The following POGLUT3 variants were observed in gnomAD, a reference collection of about 807,000 sequenced individuals.
The protein encoded by POGLUT3 is protein O-glucosyltransferase 3.
POGLUT3 carries 48 observed loss-of-function variants against 54.3 expected under a neutral mutation model. The observed-to-expected ratio is 0.88, with a 90% CI of 0.70 to 1.12. POGLUT3 has a LOEUF of 1.12. Among genes scored for constraint, POGLUT3 ranks in the 50% most tolerant of loss-of-function variants. POGLUT3 has a pLI of 0.00. For synonymous variants in POGLUT3, 218 were observed against 237.4 expected, an observed-to-expected ratio of 0.92 and a Z score of 0.75; for missense variants, 629 against 618.7, an observed-to-expected ratio of 1.02 and a Z score of -0.18.
Position 108,486,709 on chromosome 11 carries a change from A to G in POGLUT3, c.401-269T>C, listed in dbSNP as rs1291212231. 15 of 398,868 alleles carry G rather than the reference A, an allele frequency of 3.8e-5. No homozygotes were observed. The East Asian group carries it at 5.7e-4, about 15-fold the overall frequency. The allele number at this position is 398,868 out of a possible 1,614,324, so 24.7% of individuals were successfully genotyped here. Reference sequence around the variant, plus strand: ...CATAAATTCATCTCTAATAAGGTATAAATGGCTGGCAAACATGAAACAACT... The same window carrying G: ...CATAAATTCATCTCTAATAAGGTATGAATGGCTGGCAAACATGAAACAACT... On this transcript the variant is annotated intron_variant, in intron 2 of 7. Transcript: ENST00000323468.
At chr11:108,485,462 A>G (rs1315782643) in intron 3 of POGLUT3, among the ~76,000 whole-genome samples, 5 of 152,060 alleles carry the variant, frequency 3.3e-5, no homozygotes, top group Non-Finnish European at 7.4e-5. Flanking sequence ...CCCCATCCCT[A>G]TTTAAAAATA....
intron 1 of POGLUT3, 128 bp from the exon 2 acceptor site, chr11:108,491,295 A>T: frequency 2.8e-6 from 2 of 706,840 alleles, no homozygotes; most frequent in Non-Finnish European, 4.7e-6. Context: ...AAAAAAAATC[A>T]TTTCCTTTGG....
In POGLUT3 at chr11:108,477,496, TCC is replaced by T; in HGVS notation, c.1398+109_1398+110del. Reference sequence around the variant, plus strand: ...GCAAGTGCCTTGGCTTAGCCAGTGGTCCATAGGCTTGACTGTGAGTCCTTCAG... The same window carrying T: ...GCAAGTGCCTTGGCTTAGCCAGTGGTATAGGCTTGACTGTGAGTCCTTCAG... On this transcript the variant is annotated intron_variant, in intron 7 of 7. Coordinates refer to ENST00000323468, the MANE Select transcript of POGLUT3 (RefSeq NM_153705.5). 4 of 678,352 alleles carry T rather than the reference TCC, an allele frequency of 5.9e-6. No homozygotes were observed. In the South Asian group the frequency reaches 7.4e-5, roughly 13 times the overall value. The allele number at this position is 678,352 out of a possible 1,614,324, so 42.0% of individuals were successfully genotyped here.
rs1213297130 is a variant in POGLUT3 at position 108,472,198 on chromosome 11, A to G, written c.*2629T>C. ...TATAAAGTTCTAAACATAGATTTAA[A>G]AAGAGCAAAATGGAAAAAATATAAA... On this transcript the variant is annotated 3_prime_UTR_variant, in exon 8 of 8. Transcript: ENST00000323468. 1 of 152,188 alleles carries G rather than the reference A, an allele frequency of 6.6e-6. No homozygotes were observed. The highest frequency in any genetic ancestry group is 2.4e-5 in the African/African-American group (1 of 41,462). 9.4% of individuals were successfully genotyped at this position (152,188 alleles called of 1,614,324 possible).
intron 6 of POGLUT3, among the ~76,000 whole-genome samples, chr11:108,478,560 G>A (rs1054488403): frequency 1.3e-5 from 2 of 152,210 alleles, no homozygotes; most frequent in African/African-American, 2.4e-5. Context: ...GAAAAATTCA[G>A]TCATTAGTAC....
intron 1 of POGLUT3, among the ~76,000 whole-genome samples, chr11:108,492,023 G>T (rs1046191896): frequency 6.6e-6 from 1 of 151,804 alleles, no homozygotes; most frequent in Non-Finnish European, 1.5e-5. Flanking sequence ...TACTTCTAAG[G>T]CCATTTCCTT....
chr11:108,497,593 G>A (rs1182280884), intron 1 of POGLUT3, among the ~76,000 whole-genome samples: 5 of 152,244 alleles, frequency 3.3e-5, no homozygotes, highest in Non-Finnish European at 2.9e-5. Flanking sequence ...CCTCCGTGGA[G>A]GGAAAACCGA....
chr11:108,478,457 C>A (rs2093586376), intron 6 of POGLUT3, among the ~76,000 whole-genome samples: 1 of 152,314 alleles, frequency 6.6e-6, no homozygotes, highest in South Asian at 2.1e-4. Context: ...CACGTTACAA[C>A]ATCTTTTAAA....
At chr11:108,496,493 A>G (rs745323766) in intron 1 of POGLUT3, among the ~76,000 whole-genome samples, 2 of 152,216 alleles carry the variant, frequency 1.3e-5, no homozygotes, top group Non-Finnish European at 2.9e-5. Flanking sequence ...GTGAGAGATG[A>G]TATCACCTAC....
At chr11:108,498,037 G>A in intron 1 of POGLUT3, 128 bp downstream of exon 1, 1 of 767,148 alleles carries the variant, frequency 1.3e-6, no homozygotes, top group Non-Finnish European at 1.9e-6. Flanking sequence ...AAGAGGAGCT[G>A]ACCAGACCCA....
rs560685262 is a variant in POGLUT3, at chr11:108,479,446, G to A, written c.1148C>T (p.Pro383Leu). ...CAGACTGTCGCCCAGCATGAGATAT[G>A]GATATCTGTAAGCAGCCACGGTCCC... is the stretch of plus-strand genomic sequence containing the variant. ...VDGTVAAYRY[P>L]YLMLGDSLVL... Residue 383 changes from proline to leucine, a missense_variant, in exon 6 of 8, where the codon CCA becomes CTA. By Grantham distance (98) the Pro-to-Leu change is moderately conservative (BLOSUM62 -3). Coordinates refer to ENST00000323468, the MANE Select transcript of POGLUT3 (RefSeq NM_153705.5). 3.7e-6 allele frequency: 6 copies of A among 1,611,628 alleles called. No individual in the cohort carries two copies. Among genetic ancestry groups the A allele is most frequent in the South Asian group, 2.2e-5 (2 of 90,470 alleles).
chr11:108,489,971 G>A (rs1055202092), intron 2 of POGLUT3, among the ~76,000 whole-genome samples: 2 of 151,918 alleles, frequency 1.3e-5, no homozygotes, highest in African/African-American at 2.4e-5. Context: ...CCGCAGCCTC[G>A]ATCTCCCTGA....
intron 2 of POGLUT3, among the ~76,000 whole-genome samples, chr11:108,489,014 G>A (rs888819931): frequency 2.0e-5 from 3 of 152,006 alleles, no homozygotes; most frequent in Non-Finnish European, 4.4e-5. Flanking sequence ...AGCAAAACTT[G>A]GAAGGATTAA....
chr11:108,479,696 A>G (rs2093589131), intron 5 of POGLUT3, among the ~76,000 whole-genome samples: 1 of 152,198 alleles, frequency 6.6e-6, no homozygotes, highest in African/African-American at 2.4e-5. Flanking sequence ...AATTTTAAGA[A>G]ATACATTGTT....
intron 6 of POGLUT3, chr11:108,478,001 T>G: frequency 3.2e-6 from 1 of 314,972 alleles, no homozygotes; most frequent in Non-Finnish European, 5.9e-6. Flanking sequence ...ATACAAAAAT[T>G]AGCTGGGTGT....
Position 108,473,113 on chromosome 11 carries a change from G to GT in POGLUT3, c.*1713dup, listed in dbSNP as rs1247331243. Reference sequence around the variant, plus strand: ...ACTCTGTCACCCAGGCTGGAGTGCAGTGGTGTAATCTCAGCTCACTGCAAC... The same window carrying GT: ...ACTCTGTCACCCAGGCTGGAGTGCAGTTGGTGTAATCTCAGCTCACTGCAAC... On this transcript the variant is annotated 3_prime_UTR_variant, in exon 8 of 8. Coordinates refer to ENST00000323468, the MANE Select transcript of POGLUT3 (RefSeq NM_153705.5). 1 of 152,246 alleles carries GT rather than the reference G, an allele frequency of 6.6e-6. No homozygotes were observed. Among genetic ancestry groups the GT allele is most frequent in the Non-Finnish European group, 1.5e-5 (1 of 68,052 alleles). The allele number at this position is 152,246 out of a possible 1,614,324, so 9.4% of individuals were successfully genotyped here. A position where few individuals can be genotyped will look rare whatever the true frequency, so the allele number is the denominator to read the frequency against.
chr11:108,498,132 G>A, intron 1 of POGLUT3, 33 bp downstream of exon 1: 1 of 1,477,768 alleles, frequency 6.8e-7, no homozygotes, highest in Non-Finnish European at 9.0e-7. Context: ...GGACCCGGCC[G>A]CGGGACGAGG....
chr11:108,487,262 G>A (rs1411690868), intron 2 of POGLUT3, among the ~76,000 whole-genome samples: 1 of 117,996 alleles, frequency 8.5e-6, no homozygotes, highest in Non-Finnish European at 1.6e-5. Flanking sequence ...CCAAACCAAT[G>A]TACATCTTAA....
intron 1 of POGLUT3, chr11:108,491,551 A>C: frequency 8.9e-6 from 2 of 225,568 alleles, no homozygotes; most frequent in Non-Finnish European, 1.7e-5. Context: ...TTTTGTAGAG[A>C]TGGTGGGGGG....
Sources: allele counts gnomAD v4.1 joint callset (sites outside exome capture counted in the v4.1 genomes callset), GRCh38; gene constraint gnomAD v4.1.1; transcripts MANE v1.5; gene names NCBI Gene and HGNC (gene_info 2026-07-23, HGNC 2026-07-21).